The following CYB561A3 variants were observed in gnomAD, a reference collection of about 807,000 sequenced individuals.
CYB561A3 encodes the protein cytochrome b561 family member A3.
CYB561A3 carries 16 observed loss-of-function variants against 25.3 expected under a neutral mutation model. That is an observed-to-expected ratio of 0.63 (90% CI 0.43 to 0.96). CYB561A3 has a LOEUF of 0.96. Among genes scored for constraint, CYB561A3 ranks in the 40% least tolerant of loss-of-function variants. The pLI is 0.00. For missense variants in CYB561A3, 219 were observed against 307.5 expected, an observed-to-expected ratio of 0.71 and a Z score of 2.15; for synonymous variants, 131 against 129.9, an observed-to-expected ratio of 1.01 and a Z score of -0.06.
At position 61,356,602 on chromosome 11, in the gene CYB561A3, T is replaced by A. The variant is rs200823476; in HGVS notation, c.112A>T (p.Asn38Tyr). The change falls in exon 3 of 7, where the codon AAT becomes TAT. Residue 38 changes from asparagine (N) to tyrosine (Y), a missense_variant. By Grantham distance (143) the Asn-to-Tyr change is moderately radical (BLOSUM62 -2). Coordinates refer to ENST00000294072, the MANE Select transcript of CYB561A3 (RefSeq NM_153611.6). ...MQYWRGGFAW[N>Y]GSIYMFNWHP... Reference sequence around the variant, plus strand: ...CAGTTGAACATGTAGATGCTGCCATTCCAGGCAAAGCCACCACGCCAGTAC... The same window carrying A: ...CAGTTGAACATGTAGATGCTGCCATACCAGGCAAAGCCACCACGCCAGTAC... 6.2e-7 allele frequency: 1 copy of A among 1,614,154 alleles called. No homozygotes were observed. Among genetic ancestry groups the A allele is most frequent in the African/African-American group, 1.3e-5 (1 of 75,028 alleles).
At chr11:61,356,869 C>A (rs1488672918) in intron 2 of CYB561A3, 141 bp from the exon 3 acceptor site, 10 of 1,451,354 alleles carry the variant, frequency 6.9e-6, no homozygotes, top group East Asian at 2.5e-5. Context: ...CTGGGCACCA[C>A]CCCCCGCCCG....
rs118134551 is a variant in CYB561A3, at chr11:61,349,109, C to T, written c.*1290G>A. 5.5e-6 allele frequency: 1 copy of T among 180,658 alleles called. No homozygotes were observed. The highest frequency in any genetic ancestry group is 1.2e-5 in the Non-Finnish European group (1 of 83,508). 11.2% of individuals were successfully genotyped at this position (180,658 alleles called of 1,614,324 possible). On this transcript the variant is annotated 3_prime_UTR_variant, in exon 7 of 7. Transcript: ENST00000294072. The stretch of plus-strand genomic sequence containing the variant: ...AGCACAGCAGTCTGAAGCTTGGGAC[C>T]TGGCAGTGCGTCTTTGGAGAAGGCA...
rs1370339406 is a variant in CYB561A3 at position 61,353,946 on chromosome 11, C to T, written c.231G>A (p.Leu77=). Residue 77 remains leucine (L), a synonymous_variant, in exon 4 of 7, where the codon CTG becomes CTA. Coordinates refer to ENST00000294072, the MANE Select transcript of CYB561A3 (RefSeq NM_153611.6). ...RLPQSWVGPK[L]PWKLLHAALH... The stretch of plus-strand genomic sequence containing the variant: ...GCGCTGCATGGAGGAGTTTCCAGGG[C>T]AGTTTGGGCCCCACCCACGACTGGG... 3 of 1,614,120 alleles carry T rather than the reference C, an allele frequency of 1.9e-6. No individual in the cohort carries two copies. The highest frequency in any genetic ancestry group is 2.2e-5 in the South Asian group (2 of 91,072).
intron 5 of CYB561A3, 115 bp from the exon 6 acceptor site, chr11:61,351,262 A>G: frequency 1.4e-6 from 1 of 731,120 alleles, no homozygotes; most frequent in South Asian, 2.6e-5. Flanking sequence ...TCCATATGTG[A>G]TCTAGAATTT....
chr11:61,353,326 G>C, intron 4 of CYB561A3, 187 bp from the exon 5 acceptor site: 1 of 734,580 alleles, frequency 1.4e-6, no homozygotes, highest in Non-Finnish European at 2.2e-6. Flanking sequence ...AACAAGAACA[G>C]TAAATGACAT....
At chr11:61,352,565 G>A (rs1260650602) in intron 5 of CYB561A3, 1 of 194,332 alleles carries the variant, frequency 5.1e-6, no homozygotes, top group East Asian at 1.7e-4. Context: ...GGAGGCAGAG[G>A]CAGGAGAATT....
intron 2 of CYB561A3, chr11:61,357,078 T>C (rs1857678138): frequency 1.4e-6 from 2 of 1,411,692 alleles, no homozygotes; most frequent in Admixed American, 2.0e-5. Flanking sequence ...TACCACCCCA[T>C]ACCCCCCAGG....
chr11:61,356,771 A>G, intron 2 of CYB561A3, 43 bp from the exon 3 acceptor site: 1 of 1,598,200 alleles, frequency 6.3e-7, no homozygotes, highest in South Asian at 1.1e-5. Flanking sequence ...GCTCAGATGC[A>G]CCCAGTTCTC....
At chr11:61,353,568 A>G (rs1014839855) in intron 4 of CYB561A3, 4 of 712,182 alleles carry the variant, frequency 5.6e-6, no homozygotes, top group Non-Finnish European at 1.0e-5. Context: ...GGGCTCTGGG[A>G]CGAGAGACGG....
At chr11:61,358,420 CAAAA>C (rs760417618) in intron 1 of CYB561A3, 2 of 47,158 alleles carry the variant, frequency 4.2e-5, no homozygotes, top group South Asian at 7.4e-4. Context: ...AACTTCATCT[CAAAA>C]AAAAAAAAAA....
intron 2 of CYB561A3, chr11:61,357,374 G>A: frequency 1.5e-6 from 1 of 689,550 alleles, no homozygotes; most frequent in Non-Finnish European, 2.4e-6. Context: ...CTCTTCCTCT[G>A]GGGAAAGTCC....
intron 2 of CYB561A3, chr11:61,357,465 C>T: frequency 2.0e-6 from 1 of 493,558 alleles, no homozygotes; most frequent in Non-Finnish European, 3.6e-6. Flanking sequence ...CCTTGATAAA[C>T]CCAGAAACCA....
intron 3 of CYB561A3, among the ~76,000 whole-genome samples, chr11:61,355,808 G>T (rs537321973): frequency 5.0e-4 from 76 of 152,208 alleles, no homozygotes; most frequent in African/African-American, 1.7e-3. Context: ...CTACAGCTCA[G>T]GTCGGGCATG....
intron 5 of CYB561A3, chr11:61,352,126 G>A (rs1211210781): frequency 1.3e-5 from 2 of 152,138 alleles, no homozygotes; most frequent in African/African-American, 4.8e-5. Flanking sequence ...AGCCAAGATC[G>A]AAACCAAGGT....
intron 2 of CYB561A3, chr11:61,357,291 T>A: frequency 6.7e-7 from 1 of 1,498,282 alleles, no homozygotes; most frequent in Non-Finnish European, 9.1e-7. Context: ...AGGCCTTCAC[T>A]CCACTGCCCA....
intron 2 of CYB561A3, 135 bp from the exon 3 acceptor site, chr11:61,356,863 G>A (rs543197868): frequency 6.8e-7 from 1 of 1,460,084 alleles, no homozygotes; most frequent in South Asian, 1.4e-5. Flanking sequence ...ATCAGCCTGG[G>A]CACCACCCCC....
At chr11:61,352,740 T>C (rs997836993) in intron 5 of CYB561A3, 2 of 1,228,016 alleles carry the variant, frequency 1.6e-6, no homozygotes, top group African/African-American at 3.1e-5. Context: ...CAGGATTAAA[T>C]GTAAGGTGCT....
At chr11:61,350,550 G>T (rs1736797543) in intron 6 of CYB561A3, 128 bp from the exon 7 acceptor site, 1 of 1,208,780 alleles carries the variant, frequency 8.3e-7, no homozygotes, top group African/African-American at 1.5e-5. Context: ...CCTCAGGGAA[G>T]CCCCAAAGTC....
intron 2 of CYB561A3, among the ~76,000 whole-genome samples, 162 bp downstream of exon 2, chr11:61,357,571 A>C (rs994529844): frequency 3.9e-5 from 6 of 152,222 alleles, no homozygotes; most frequent in Non-Finnish European, 7.3e-5. Context: ...CCCTGCTTTC[A>C]GCTAATATGT....
Sources: gnomAD v4.1 joint callset for allele counts (sites outside exome capture counted in the v4.1 genomes callset) on GRCh38, gnomAD v4.1.1 for gene constraint, MANE v1.5 for transcripts, NCBI Gene and HGNC (gene_info 2026-07-23, HGNC 2026-07-21) for gene names.